Variants in GRIK2 observed in about 807,000 individuals in gnomAD.
The protein encoded by GRIK2 is glutamate receptor ionotropic, kainate 2.
In GRIK2, 32 loss-of-function variants were observed where a neutral mutation model predicts 100.3. The ratio of observed to expected loss-of-function variants is 0.32; its 90% confidence interval spans 0.24 to 0.43. GRIK2 has a LOEUF of 0.43. Ranked by LOEUF, GRIK2 falls within the 20% of genes least tolerant of loss-of-function variation. The probability of loss-of-function intolerance (pLI) is 1.00; values close to 1 mark genes in which losing one functional copy is unlikely to be tolerated. For missense variants in GRIK2, 843 were observed against 1,114.9 expected (o/e 0.76, Z 3.47); for synonymous variants, 417 against 389.4 (o/e 1.07, Z -0.83).
At chr6:101,963,443 G>A (rs1046001777) in intron 14 of GRIK2, among the ~76,000 whole-genome samples, 283 of 146,416 alleles carry the variant, frequency 1.9e-3, no homozygotes, top group African/African-American at 6.7e-3. Context: ...GACTACAGGC[G>A]CCTGCCACAG....
At chr6:101,924,902 A>C (rs1039751266) in intron 13 of GRIK2, among the ~76,000 whole-genome samples, 183 bp downstream of exon 13, 4 of 152,218 alleles carry the variant, frequency 2.6e-5, no homozygotes, top group Admixed American at 2.0e-4. Flanking sequence ...ATTCTGAGAA[A>C]ATAATTAGCT....
At chr6:101,852,996 A>C in intron 10 of GRIK2, among the ~76,000 whole-genome samples, 1 of 152,172 alleles carries the variant, frequency 6.6e-6, no homozygotes, top group South Asian at 2.1e-4. Flanking sequence ...ATCAGACAAG[A>C]TCCTAACTGT....
chr6:101,897,570 A>G (rs922543256), intron 12 of GRIK2, among the ~76,000 whole-genome samples: 2 of 151,864 alleles, frequency 1.3e-5, no homozygotes, highest in East Asian at 1.9e-4. Context: ...CAACTATTCC[A>G]GCAAAATCAG....
chr6:101,447,931 A>G (rs1405599632), intron 2 of GRIK2, among the ~76,000 whole-genome samples: 2 of 151,646 alleles, frequency 1.3e-5, no homozygotes, highest in Non-Finnish European at 3.0e-5. Flanking sequence ...TGTCCCAATT[A>G]CAAATGTACT....
At chr6:101,586,031 T>C (rs1339338046) in intron 2 of GRIK2, among the ~76,000 whole-genome samples, 1 of 152,058 alleles carries the variant, frequency 6.6e-6, no homozygotes, top group Non-Finnish European at 1.5e-5. Flanking sequence ...CTCATTCACA[T>C]TGCAAGTTAC....
chr6:101,963,849 T>C (rs1792488450), intron 14 of GRIK2, among the ~76,000 whole-genome samples: 1 of 152,108 alleles, frequency 6.6e-6, no homozygotes, highest in South Asian at 2.1e-4. Context: ...TTTCCATTAT[T>C]TCAGAGAGTA....
intron 2 of GRIK2, among the ~76,000 whole-genome samples, chr6:101,560,544 G>A (rs1241503436): frequency 1.3e-5 from 2 of 151,870 alleles, no homozygotes. Flanking sequence ...TCATTTGGAA[G>A]CACATTGTAG....
intron 4 of GRIK2, among the ~76,000 whole-genome samples, chr6:101,633,764 G>A (rs1364187408): frequency 6.6e-6 from 1 of 152,080 alleles, no homozygotes; most frequent in African/African-American, 2.4e-5. Context: ...CACACAAAGA[G>A]CATATCATTT....
At chr6:101,633,520 A>C (rs972379405) in intron 4 of GRIK2, among the ~76,000 whole-genome samples, 3 of 152,126 alleles carry the variant, frequency 2.0e-5, no homozygotes, top group Non-Finnish European at 2.9e-5. Flanking sequence ...AGAATTTAAA[A>C]CTTTCAACAA....
intron 14 of GRIK2, among the ~76,000 whole-genome samples, chr6:102,026,845 A>G (rs917838513): frequency 6.6e-6 from 1 of 151,206 alleles, no homozygotes; most frequent in Non-Finnish European, 1.5e-5. Flanking sequence ...TAACAACTGA[A>G]TGCTTTTCAG....
rs150468486 is a variant in GRIK2, at chr6:102,038,857, C to A, written c.2311+3291C>A. On this transcript the variant is annotated intron_variant, in intron 15 of 16. Coordinates refer to ENST00000369134, the MANE Select transcript of GRIK2 (RefSeq NM_021956.5). ...CTATAATCCATAGTGAAAATTTCACCTTTAGTAATATCCTATATGTGATCA... is the reference window on the plus strand; with the variant it reads ...CTATAATCCATAGTGAAAATTTCACATTTAGTAATATCCTATATGTGATCA... 2.3e-3 allele frequency among the ~76,000 whole-genome samples: 349 copies of A among 151,300 alleles called. 1 individual carries two copies. The highest frequency in any genetic ancestry group is 8.3e-3 in the African/African-American group (343 of 41,402).
chr6:102,009,011 C>A (rs1795387573), intron 14 of GRIK2, among the ~76,000 whole-genome samples: 1 of 151,940 alleles, frequency 6.6e-6, no homozygotes, highest in Non-Finnish European at 1.5e-5. Context: ...TTAAAATTAA[C>A]ATCAAAAAGT....
At chr6:101,783,658 G>A (rs142591481) in intron 7 of GRIK2, among the ~76,000 whole-genome samples, 1 of 152,164 alleles carries the variant, frequency 6.6e-6, no homozygotes, top group African/African-American at 2.4e-5. Flanking sequence ...CTAGAGACTT[G>A]TTGAATGGCT....
At chr6:101,490,193 C>A (rs1435756810) in intron 2 of GRIK2, among the ~76,000 whole-genome samples, 1 of 146,668 alleles carries the variant, frequency 6.8e-6, no homozygotes, top group East Asian at 1.9e-4. Flanking sequence ...GTATTTAGAA[C>A]TTACTACATA....
chr6:101,836,643 G>GTGTA (rs1201652352), intron 10 of GRIK2, among the ~76,000 whole-genome samples: 3 of 86,400 alleles, frequency 3.5e-5, no homozygotes, highest in South Asian at 4.2e-4. Context: ...ATATGTATGT[G>GTGTA]TATATATATA....
intron 2 of GRIK2, among the ~76,000 whole-genome samples, chr6:101,514,383 A>C (rs1026790487): frequency 6.6e-6 from 1 of 152,034 alleles, no homozygotes; most frequent in Non-Finnish European, 1.5e-5. Context: ...ATAGCCAAGA[A>C]GGAAGAAGAA....
chr6:101,482,355 A>G (rs890213155), intron 2 of GRIK2, among the ~76,000 whole-genome samples: 10 of 152,170 alleles, frequency 6.6e-5, no homozygotes, highest in Non-Finnish European at 1.3e-4. Context: ...ATTATCAGTG[A>G]TACATCTTTG....
At chr6:101,902,558 A>G (rs1265604429) in intron 12 of GRIK2, among the ~76,000 whole-genome samples, 2 of 151,992 alleles carry the variant, frequency 1.3e-5, no homozygotes, top group Admixed American at 1.3e-4. Flanking sequence ...GTATATGAAC[A>G]TATCTATGGA....
chr6:101,752,353 T>C (rs1333733838), intron 7 of GRIK2, among the ~76,000 whole-genome samples: 1 of 152,108 alleles, frequency 6.6e-6, no homozygotes, highest in African/African-American at 2.4e-5. Context: ...TTGTATATAT[T>C]TTTGCCCCAG....
Sources: allele counts gnomAD v4.1 joint callset (sites outside exome capture counted in the v4.1 genomes callset), GRCh38; gene constraint gnomAD v4.1.1; transcripts MANE v1.5; gene names NCBI Gene and HGNC (gene_info 2026-07-23, HGNC 2026-07-21).